The following CSMD1 variants were observed in gnomAD, a reference collection of about 807,000 sequenced individuals.
CSMD1 encodes CUB and sushi domain-containing protein 1.
CSMD1 carries 213 observed loss-of-function variants against 417.5 expected under a neutral mutation model. That is an observed-to-expected ratio of 0.51 (90% CI 0.46 to 0.57). The LOEUF (loss-of-function observed/expected upper bound fraction) is 0.57. CSMD1 is among the 20% of genes least tolerant of loss of function. The pLI is 0.00. For missense variants in CSMD1, 6,923 were observed against 4,529.7 expected, an observed-to-expected ratio of 1.53 and a Z score of -15.17; for synonymous variants, 2,862 against 1,736.8, an observed-to-expected ratio of 1.65 and a Z score of -16.11.
intron 21 of CSMD1, among the ~76,000 whole-genome samples, chr8:3,353,023 G>A (rs1409169660): frequency 6.6e-6 from 1 of 152,050 alleles, no homozygotes; most frequent in Non-Finnish European, 1.5e-5. Flanking sequence ...GGTGTGAGAG[G>A]GAAACTATGA....
chr8:3,522,195 G>C (rs1319107492), intron 10 of CSMD1, among the ~76,000 whole-genome samples: 2 of 152,058 alleles, frequency 1.3e-5, no homozygotes, highest in African/African-American at 4.8e-5. Flanking sequence ...ATCGTTATAT[G>C]ATTAAATTTT....
chr8:4,823,377 GA>G (rs1023749594), intron 1 of CSMD1, among the ~76,000 whole-genome samples: 1 of 151,598 alleles, frequency 6.6e-6, no homozygotes, highest in African/African-American at 2.4e-5. Context: ...GTATGACTTT[GA>G]AAAAAAATCA....
At chr8:2,995,525 C>A (rs2128951393) in intron 54 of CSMD1, among the ~76,000 whole-genome samples, 1 of 152,120 alleles carries the variant, frequency 6.6e-6, no homozygotes, top group East Asian at 1.9e-4. Context: ...ACCGTATGTG[C>A]CAGTACCATT....
intron 54 of CSMD1, among the ~76,000 whole-genome samples, chr8:2,986,550 G>T (rs752145404): frequency 3.9e-5 from 6 of 151,936 alleles, no homozygotes; most frequent in African/African-American, 1.5e-4. Flanking sequence ...GCTCACCCAG[G>T]CTGGAGTGCA....
At chr8:3,201,831 C>T (rs1304275161) in intron 31 of CSMD1, 106 bp from the exon 32 acceptor site, 5 of 425,952 alleles carry the variant, frequency 1.2e-5, no homozygotes, top group Non-Finnish European at 1.6e-5. Context: ...GATCATTATC[C>T]TAAGAATTTG....
At position 2,998,046 on chromosome 8, in the gene CSMD1, T is replaced by A. The variant is rs1177150814; in HGVS notation, c.8342A>T (p.Asn2781Ile). 6.2e-7 allele frequency: 1 copy of A among 1,613,988 alleles called. No homozygotes were observed. The highest frequency in any genetic ancestry group is 8.5e-7 in the Non-Finnish European group (1 of 1,179,864). ...QGVSRAQCRS[N>I]GQWSSPLPTC... ...GGGCAGAGGGCTACTCCACTGGCCG[T>A]TGCTCCGACACTGGGCTCGAGACAC... The change falls in exon 54 of 70, where the codon AAC becomes ATC. Residue 2781 changes from asparagine (N) to isoleucine (I), a missense_variant. Coordinates refer to ENST00000635120, the MANE Select transcript of CSMD1 (RefSeq NM_033225.6).
intron 2 of CSMD1, among the ~76,000 whole-genome samples, chr8:4,507,894 A>G (rs1406076377): frequency 6.6e-6 from 1 of 152,166 alleles, no homozygotes; most frequent in African/African-American, 2.4e-5. Context: ...TTGAAATGAA[A>G]GTGAAAGATA....
intron 1 of CSMD1, among the ~76,000 whole-genome samples, chr8:4,936,234 C>T (rs970520174): frequency 6.6e-6 from 1 of 151,904 alleles, no homozygotes; most frequent in Non-Finnish European, 1.5e-5. Flanking sequence ...TAAAATGTGC[C>T]CACAGATATT....
chr8:4,892,129 T>G (rs955243597), intron 1 of CSMD1, among the ~76,000 whole-genome samples: 2 of 152,124 alleles, frequency 1.3e-5, no homozygotes, highest in Non-Finnish European at 2.9e-5. Flanking sequence ...GGAAATTTTT[T>G]TTCCCATTTG....
chr8:4,857,347 A>G (rs1801863570), intron 1 of CSMD1, among the ~76,000 whole-genome samples: 1 of 151,806 alleles, frequency 6.6e-6, no homozygotes, highest in African/African-American at 2.4e-5. Flanking sequence ...TAACATCACA[A>G]TTAAAAGAAT....
At chr8:3,692,725 G>T (rs187104960) in intron 7 of CSMD1, among the ~76,000 whole-genome samples, 10 of 152,132 alleles carry the variant, frequency 6.6e-5, no homozygotes, top group Non-Finnish European at 1.0e-4. Context: ...AAGCCACCAC[G>T]CCTGGCCACA....
chr8:4,933,837 T>G (rs534744580), intron 1 of CSMD1, among the ~76,000 whole-genome samples: 5 of 152,312 alleles, frequency 3.3e-5, no homozygotes, highest in Admixed American at 6.5e-5. Flanking sequence ...TGATTAAAAA[T>G]TTGTACTATA....
chr8:4,164,096 G>A (rs756809976), intron 3 of CSMD1, among the ~76,000 whole-genome samples: 3 of 139,324 alleles, frequency 2.2e-5, no homozygotes, highest in Non-Finnish European at 3.1e-5. Context: ...TACTTATCAT[G>A]TTTTTAAAGA....
In CSMD1 at chr8:4,311,099, C is replaced by T. The variant is rs547202885; in HGVS notation, c.415+108854G>A. Among the ~76,000 whole-genome samples the T allele has an allele frequency of 2.6e-5, 4 of 152,262 alleles. 1 individual carries two copies. The highest frequency in any genetic ancestry group is 3.4e-3 in the Middle Eastern group (1 of 294). ...TGTGGAAAGCAATGTGGCATATCTT[C>T]AAAGAGCTAGAAGCTGAACTGCCAC... On this transcript the variant is annotated intron_variant, in intron 3 of 69. Coordinates refer to ENST00000635120, the MANE Select transcript of CSMD1 (RefSeq NM_033225.6).
At chr8:3,023,897 C>A (rs1309905089) in intron 51 of CSMD1, among the ~76,000 whole-genome samples, 1 of 151,186 alleles carries the variant, frequency 6.6e-6, no homozygotes. Flanking sequence ...TTACCTGCAC[C>A]AATGACTCGG....
At chr8:3,305,681 CTG>C (rs1563251009) in intron 25 of CSMD1, among the ~76,000 whole-genome samples, 1 of 152,122 alleles carries the variant, frequency 6.6e-6, no homozygotes, top group African/African-American at 2.4e-5. Flanking sequence ...CTTACTAAGT[CTG>C]TAATATTCTT....
chr8:4,006,823 ATTTTT>A (rs759780050), intron 4 of CSMD1, among the ~76,000 whole-genome samples: 4 of 95,960 alleles, frequency 4.2e-5, no homozygotes, highest in South Asian at 4.1e-4. Context: ...GACTTTTCCT[ATTTTT>A]TTTTTTTTTT....
intron 7 of CSMD1, among the ~76,000 whole-genome samples, chr8:3,672,079 T>G (rs1044480907): frequency 2.0e-5 from 3 of 152,176 alleles, no homozygotes; most frequent in Admixed American, 6.5e-5. Context: ...ACTTTCAAAG[T>G]GTATCATTCT....
At chr8:3,350,128 C>T (rs1808315879) in intron 21 of CSMD1, among the ~76,000 whole-genome samples, 1 of 99,180 alleles carries the variant, frequency 1.0e-5, no homozygotes. Flanking sequence ...TGTTACAATA[C>T]CTATAATAAC....
Sources: allele counts gnomAD v4.1 joint callset (sites outside exome capture counted in the v4.1 genomes callset), GRCh38; gene constraint gnomAD v4.1.1; transcripts MANE v1.5; gene names NCBI Gene and HGNC (gene_info 2026-07-23, HGNC 2026-07-21).